The following MEGF11 variants were observed in gnomAD, a reference collection of about 807,000 sequenced individuals.
MEGF11 encodes multiple epidermal growth factor-like domains protein 11.
Under a neutral mutation model 146.6 loss-of-function variants are expected in MEGF11, and 126 were observed. The observed-to-expected ratio is 0.86, with a 90% CI of 0.74 to 1.00. MEGF11 has a LOEUF of 1.00. Among genes scored for constraint, MEGF11 ranks in the 50% least tolerant of loss-of-function variants. The pLI is 0.00. For missense variants in MEGF11, 1,509 were observed against 1,521.2 expected, an observed-to-expected ratio of 0.99 and a Z score of 0.13; for synonymous variants, 532 against 583.4, an observed-to-expected ratio of 0.91 and a Z score of 1.27.
chr15:65,970,917 C>T (rs371444870), intron 7 of MEGF11: 14 of 571,506 alleles, frequency 2.4e-5, no homozygotes, highest in Admixed American at 6.1e-5. Context: ...CTATTGTATA[C>T]GAGGTGCTGT....
Position 65,930,890 on chromosome 15 carries a change from C to G in MEGF11, c.1341G>C (p.Ser447=). The G allele has an allele frequency of 6.2e-7, 1 of 1,611,326 alleles. No homozygotes were observed. Among genetic ancestry groups the G allele is most frequent in the South Asian group, 1.1e-5 (1 of 90,512 alleles). ...CACCATTGTTACAGCTACAGATGGA[C>G]GAGCAGTTGGGGCCATAGGTCCCTG... The part of the protein sequence containing the change: ...CAAGTYGPNC[S]SICSCNNGGT... The change falls in exon 11 of 26, where the codon TCG becomes TCC. Residue 447 remains serine, a synonymous_variant. Transcript: ENST00000395614.
chr15:66,126,287 G>A (rs1002992702), intron 2 of MEGF11, among the ~76,000 whole-genome samples: 5 of 152,172 alleles, frequency 3.3e-5, no homozygotes, highest in Admixed American at 1.3e-4. Flanking sequence ...AGACTGAGAA[G>A]AAGAAAGCAC....
chr15:66,122,941 G>A (rs1345273513), intron 3 of MEGF11, among the ~76,000 whole-genome samples: 3 of 151,946 alleles, frequency 2.0e-5, no homozygotes, highest in South Asian at 4.2e-4. Context: ...CCACCACCAC[G>A]CCCGGCTAAT....
intron 5 of MEGF11, among the ~76,000 whole-genome samples, chr15:65,988,445 T>G (rs2081937520): frequency 6.6e-6 from 1 of 152,244 alleles, no homozygotes; most frequent in South Asian, 2.1e-4. Context: ...GTATCAGGAC[T>G]TCATTCCTTT....
At chr15:66,231,271 T>C (rs2091962335) in intron 1 of MEGF11, among the ~76,000 whole-genome samples, 1 of 151,748 alleles carries the variant, frequency 6.6e-6, no homozygotes, top group African/African-American at 2.4e-5. Flanking sequence ...ACCGGAACCC[T>C]GGCCAAGTGA....
chr15:66,099,754 C>T (rs1412036085), intron 4 of MEGF11, among the ~76,000 whole-genome samples: 1 of 152,124 alleles, frequency 6.6e-6, no homozygotes, highest in African/African-American at 2.4e-5. Context: ...TTCCTCTTCC[C>T]AGGACTGGGC....
In MEGF11 at chr15:65,896,173, A is replaced by G. The variant is rs923016692; in HGVS notation, c.*1761T>C. ...ATGAGAAATATTTACTTGGGTCTCC[A>G]AAGTAATTTTCTAATATTTATATTT... On this transcript the variant is annotated 3_prime_UTR_variant, in exon 26 of 26. Transcript: ENST00000395614. 7 of 152,626 alleles carry G rather than the reference A, an allele frequency of 4.6e-5. No homozygotes were observed. Among genetic ancestry groups the G allele is most frequent in the Non-Finnish European group, 1.0e-4 (7 of 68,034 alleles). 9.5% of individuals were successfully genotyped at this position (152,626 alleles called of 1,614,324 possible). A position where few individuals can be genotyped will look rare whatever the true frequency, so the allele number is the denominator to read the frequency against.
At position 65,897,601 on chromosome 15, in the gene MEGF11, A is replaced by G. The variant is rs755398396; in HGVS notation, c.*333T>C. The G allele has an allele frequency of 6.1e-6, 1 of 163,648 alleles. No individual in the cohort carries two copies. The highest frequency in any genetic ancestry group is 1.3e-5 in the Non-Finnish European group (1 of 75,866). 10.1% of individuals were successfully genotyped at this position (163,648 alleles called of 1,614,324 possible). On this transcript the variant is annotated 3_prime_UTR_variant, in exon 26 of 26. Coordinates refer to ENST00000395614, the MANE Select transcript of MEGF11 (RefSeq NM_001385028.1). ...TCCTAGGAAGGTTTGTTAAACCTAC[A>G]TGTTTTTAAAATATCACGTTTCAGA...
chr15:66,153,466 G>A (rs562428907), intron 1 of MEGF11, among the ~76,000 whole-genome samples: 23 of 152,240 alleles, frequency 1.5e-4, no homozygotes, highest in Admixed American at 1.3e-4. Flanking sequence ...CCAGCTACTC[G>A]GGAGGCTGAG....
chr15:66,000,291 G>T (rs1206666466), intron 5 of MEGF11, among the ~76,000 whole-genome samples: 1 of 152,214 alleles, frequency 6.6e-6, no homozygotes, highest in Non-Finnish European at 1.5e-5. Flanking sequence ...CACTTTGGGA[G>T]GCTGAGACAG....
chr15:66,173,460 T>C (rs756822853), intron 1 of MEGF11, among the ~76,000 whole-genome samples: 2 of 152,062 alleles, frequency 1.3e-5, no homozygotes, highest in Non-Finnish European at 2.9e-5. Flanking sequence ...GGATTACAGG[T>C]GCCCGCCACC....
At chr15:66,141,472 C>T (rs995651878) in intron 1 of MEGF11, among the ~76,000 whole-genome samples, 1 of 151,874 alleles carries the variant, frequency 6.6e-6, no homozygotes, top group Non-Finnish European at 1.5e-5. Context: ...TAGGAGGCTG[C>T]CTGCTTGGTG....
At chr15:66,054,195 G>A (rs1420038305) in intron 5 of MEGF11, among the ~76,000 whole-genome samples, 1 of 152,172 alleles carries the variant, frequency 6.6e-6, no homozygotes, top group Non-Finnish European at 1.5e-5. Context: ...TGCCTGCCTG[G>A]TTGCGTTGAT....
chr15:65,930,356 G>A (rs2079531226), intron 11 of MEGF11, among the ~76,000 whole-genome samples: 1 of 152,156 alleles, frequency 6.6e-6, no homozygotes, highest in Non-Finnish European at 1.5e-5. Context: ...CAGGCTGCCT[G>A]CAGGAGACCG....
intron 5 of MEGF11, among the ~76,000 whole-genome samples, chr15:66,048,875 C>T (rs1245132753): frequency 6.6e-6 from 1 of 152,232 alleles, no homozygotes; most frequent in Non-Finnish European, 1.5e-5. Context: ...GGCATTACCC[C>T]CTCCAGACCT....
chr15:66,121,071 T>A (rs1392876333), intron 3 of MEGF11, among the ~76,000 whole-genome samples: 1 of 152,080 alleles, frequency 6.6e-6, no homozygotes, highest in Non-Finnish European at 1.5e-5. Context: ...ACACTCTAGG[T>A]CATCAGGAAA....
chr15:65,969,918 C>T (rs1421139827), intron 8 of MEGF11, among the ~76,000 whole-genome samples: 1 of 152,126 alleles, frequency 6.6e-6, no homozygotes. Flanking sequence ...CCAATCTACT[C>T]ACCATCACAC....
intron 1 of MEGF11, among the ~76,000 whole-genome samples, chr15:66,174,248 G>A (rs2141126053): frequency 6.6e-6 from 1 of 152,358 alleles, no homozygotes; most frequent in South Asian, 2.1e-4. Context: ...TCCCCAAAGG[G>A]AAGGATAAGG....
At chr15:66,072,372 C>A (rs1358561721) in intron 5 of MEGF11, among the ~76,000 whole-genome samples, 1 of 152,200 alleles carries the variant, frequency 6.6e-6, no homozygotes, top group East Asian at 1.9e-4. Context: ...TCCCTGACCA[C>A]CCCACCTCAC....
Sources: allele counts gnomAD v4.1 joint callset (sites outside exome capture counted in the v4.1 genomes callset), GRCh38; gene constraint gnomAD v4.1.1; transcripts MANE v1.5; gene names NCBI Gene and HGNC (gene_info 2026-07-23, HGNC 2026-07-21).